CDH4: variants seen among roughly 807,000 people sequenced by gnomAD.
The protein encoded by CDH4 is cadherin-4.
CDH4 carries 33 observed loss-of-function variants against 86.0 expected under a neutral mutation model. The observed-to-expected ratio is 0.38, with a 90% confidence interval of 0.29 to 0.51. The LOEUF (loss-of-function observed/expected upper bound fraction) is 0.51. CDH4 is among the 20% of genes least tolerant of loss of function. The pLI, the probability that CDH4 is intolerant of heterozygous loss-of-function variation, is 0.86. For missense variants in CDH4, 1,114 were observed against 1,307.4 expected, an observed-to-expected ratio of 0.85 and a Z score of 2.28; for synonymous variants, 555 against 549.4, an observed-to-expected ratio of 1.01 and a Z score of -0.14.
intron 2 of CDH4, among the ~76,000 whole-genome samples, chr20:61,644,112 A>T (rs916560944): frequency 6.6e-6 from 1 of 152,154 alleles, no homozygotes; most frequent in Non-Finnish European, 1.5e-5. Flanking sequence ...GCAGTTAGAT[A>T]CCAAGGGTGG....
At chr20:61,344,639 G>A (rs986032688) in intron 2 of CDH4, among the ~76,000 whole-genome samples, 1 of 152,140 alleles carries the variant, frequency 6.6e-6, no homozygotes, top group Non-Finnish European at 1.5e-5. Flanking sequence ...TTTCCCTGTT[G>A]CTCATTAATT....
At chr20:61,395,614 T>A (rs2085012501) in intron 2 of CDH4, among the ~76,000 whole-genome samples, 1 of 152,018 alleles carries the variant, frequency 6.6e-6, no homozygotes, top group Admixed American at 6.6e-5. Flanking sequence ...ACCCCATCTC[T>A]ACAAAAATCA....
At chr20:61,910,640 C>T (rs2054840640) in intron 9 of CDH4, 33 bp downstream of exon 9, 1 of 1,581,406 alleles carries the variant, frequency 6.3e-7, no homozygotes. Context: ...GCCAGGCACC[C>T]CAAGTTCTGC....
chr20:61,734,926 C>G (rs1435886973), intron 2 of CDH4, among the ~76,000 whole-genome samples: 1 of 152,154 alleles, frequency 6.6e-6, no homozygotes, highest in Non-Finnish European at 1.5e-5. Flanking sequence ...GACGATAGCC[C>G]CCGCTCCCGA....
chr20:61,833,130 G>C (rs6061853), intron 4 of CDH4, among the ~76,000 whole-genome samples: 19 of 151,582 alleles, frequency 1.3e-4, no homozygotes, highest in African/African-American at 4.1e-4. Flanking sequence ...TACTCAGCCC[G>C]CATGATCCAG....
intron 4 of CDH4, among the ~76,000 whole-genome samples, chr20:61,840,129 C>T (rs905279847): frequency 2.6e-5 from 4 of 152,144 alleles, no homozygotes; most frequent in African/African-American, 4.8e-5. Context: ...GGGTGTCACT[C>T]GTGGGAGAAG....
At chr20:61,876,367 A>C (rs566291129) in intron 7 of CDH4, among the ~76,000 whole-genome samples, 1 of 152,266 alleles carries the variant, frequency 6.6e-6, no homozygotes, top group Admixed American at 6.5e-5. Context: ...GGCTGGCTGC[A>C]TGCTGGCCGC....
chr20:61,586,900 G>A (rs976721775), intron 2 of CDH4, among the ~76,000 whole-genome samples: 3 of 152,168 alleles, frequency 2.0e-5, no homozygotes, highest in Admixed American at 6.5e-5. Context: ...ATAAACATCC[G>A]AGTACCTACT....
intron 2 of CDH4, among the ~76,000 whole-genome samples, chr20:61,368,752 A>G (rs1033799474): frequency 6.6e-6 from 1 of 151,878 alleles, no homozygotes; most frequent in Non-Finnish European, 1.5e-5. Flanking sequence ...CCTGGCCTCA[A>G]GTGATCTGCC....
chr20:61,632,989 T>A (rs950782734), intron 2 of CDH4, among the ~76,000 whole-genome samples: 1 of 151,326 alleles, frequency 6.6e-6, no homozygotes, highest in African/African-American at 2.4e-5. Context: ...CATCTTCCCA[T>A]CCATCTACCC....
At chr20:61,374,849 C>T (rs1307316607) in intron 2 of CDH4, among the ~76,000 whole-genome samples, 11 of 152,248 alleles carry the variant, frequency 7.2e-5, no homozygotes, top group Admixed American at 7.2e-4. Flanking sequence ...CGACCTATTT[C>T]TTGGGAAGCG....
chr20:61,408,370 G>T (rs562781949), intron 2 of CDH4, among the ~76,000 whole-genome samples: 27 of 152,258 alleles, frequency 1.8e-4, no homozygotes, highest in African/African-American at 6.3e-4. Context: ...ATGGATGAGG[G>T]GAGTGTTCTG....
Position 61,857,016 on chromosome 20 carries a change from G to A in CDH4, c.877+4118G>A, listed in dbSNP as rs578179696. Reference sequence around the variant, plus strand: ...GCCACCATGGCCTTGGAGGCCAAAAGCTTGTTCCTAAGCAGCTGGACAGCC... The same window carrying A: ...GCCACCATGGCCTTGGAGGCCAAAAACTTGTTCCTAAGCAGCTGGACAGCC... On this transcript the variant is annotated intron_variant, in intron 6 of 15. Coordinates refer to ENST00000614565, the MANE Select transcript of CDH4 (RefSeq NM_001794.5). Among the ~76,000 whole-genome samples the A allele has an allele frequency of 3.3e-5, 5 of 152,372 alleles. No individual in the cohort carries two copies. The South Asian group carries it at 1.0e-3, about 32-fold the overall frequency.
chr20:61,779,545 C>G (rs750034925), intron 4 of CDH4, among the ~76,000 whole-genome samples: 14 of 152,270 alleles, frequency 9.2e-5, no homozygotes, highest in Non-Finnish European at 2.1e-4. Context: ...CCGAACAACT[C>G]AAATGAGCTT....
chr20:61,672,708 T>C (rs2087404047), intron 2 of CDH4, among the ~76,000 whole-genome samples: 2 of 152,138 alleles, frequency 1.3e-5, no homozygotes, highest in Admixed American at 1.3e-4. Flanking sequence ...TGAGCATCCC[T>C]CAGGGTCACT....
At chr20:61,900,456 T>C (rs1344344407) in intron 8 of CDH4, among the ~76,000 whole-genome samples, 2 of 152,124 alleles carry the variant, frequency 1.3e-5, no homozygotes, top group Non-Finnish European at 2.9e-5. Flanking sequence ...CCCGCCTCCT[T>C]GCTCCTCCTA....
At chr20:61,659,786 G>A (rs111668092) in intron 2 of CDH4, among the ~76,000 whole-genome samples, 307 of 152,218 alleles carry the variant, frequency 2.0e-3, no homozygotes, top group African/African-American at 7.0e-3. Flanking sequence ...GTGGGCCTCC[G>A]GCCCAGGAGC....
intron 2 of CDH4, among the ~76,000 whole-genome samples, chr20:61,539,416 A>G (rs6061628): frequency 0.23 from 34,975 of 151,780 alleles, 5,399 homozygotes; most frequent in East Asian, 0.43. Flanking sequence ...TTCTTCTGAG[A>G]CCTCTCTCCT....
intron 2 of CDH4, among the ~76,000 whole-genome samples, chr20:61,362,025 G>A (rs571522820): frequency 5.3e-5 from 8 of 152,362 alleles, no homozygotes; most frequent in South Asian, 4.1e-4. Context: ...GGAGCAGCTC[G>A]GAGAGCAGTG....
Sources: allele counts gnomAD v4.1 joint callset (sites outside exome capture counted in the v4.1 genomes callset), GRCh38; gene constraint gnomAD v4.1.1; transcripts MANE v1.5; gene names NCBI Gene and HGNC (gene_info 2026-07-23, HGNC 2026-07-21).